Variants in STX8 observed in about 807,000 individuals in gnomAD.
STX8 encodes the protein syntaxin 8.
In STX8, 23 loss-of-function variants were observed where a neutral mutation model predicts 37.5. That is an observed-to-expected ratio of 0.61 (90% CI 0.44 to 0.87). The LOEUF (loss-of-function observed/expected upper bound fraction) is 0.87. Among genes scored for constraint, STX8 ranks in the 40% least tolerant of loss-of-function variants. The probability of loss-of-function intolerance (pLI) is 0.00; values close to 1 mark genes in which losing one functional copy is unlikely to be tolerated. For missense variants in STX8, 313 were observed against 284.7 expected, an observed-to-expected ratio of 1.10 and a Z score of -0.71; for synonymous variants, 115 against 99.1, an observed-to-expected ratio of 1.16 and a Z score of -0.95.
chr17:9,369,899 A>AAAG (rs1449891045), intron 7 of STX8, among the ~76,000 whole-genome samples: 1 of 147,272 alleles, frequency 6.8e-6, no homozygotes, highest in Non-Finnish European at 1.5e-5. Context: ...AAAAAAAAAA[A>AAAG]AAAAAAAAAA....
Position 9,406,172 on chromosome 17 carries a change from G to A in STX8, c.542-27519C>T, listed in dbSNP as rs1438062190. Among the ~76,000 whole-genome samples, 3 of 152,330 alleles carry A rather than the reference G, an allele frequency of 2.0e-5. No homozygotes were observed. The East Asian group carries it at 5.8e-4, about 29-fold the overall frequency. On this transcript the variant is annotated intron_variant, in intron 6 of 7. Transcript: ENST00000306357. ...TTGTAGCTGCAGACCTTAGTCTGCA[G>A]TACATGGCAAGCAATTCAACTTTTC... is the stretch of plus-strand genomic sequence containing the variant.
intron 6 of STX8, among the ~76,000 whole-genome samples, chr17:9,484,325 C>T (rs1021719537): frequency 2.0e-5 from 3 of 149,742 alleles, no homozygotes; most frequent in African/African-American, 4.9e-5. Context: ...ATACAGGATC[C>T]TAGGGGAGCA....
intron 7 of STX8, among the ~76,000 whole-genome samples, chr17:9,320,801 T>C (rs1909549773): frequency 6.6e-6 from 1 of 150,896 alleles, no homozygotes; most frequent in Non-Finnish European, 1.5e-5. Context: ...GTCAAGAGGC[T>C]GAGGCAGGAG....
chr17:9,266,576 T>C (rs1907239373), intron 7 of STX8, among the ~76,000 whole-genome samples: 1 of 152,078 alleles, frequency 6.6e-6, no homozygotes, highest in Non-Finnish European at 1.5e-5. Context: ...ACACACGATG[T>C]CACCAAGAGT....
At chr17:9,556,772 T>TATATATATATATAC (rs1906988686) in intron 3 of STX8, 1 of 82,944 alleles carries the variant, frequency 1.2e-5, no homozygotes, top group African/African-American at 5.0e-5. Flanking sequence ...TATATATATA[T>TATATATATATATAC]ATATATATAT....
chr17:9,560,242 A>T (rs1237951078), intron 2 of STX8, among the ~76,000 whole-genome samples: 1 of 151,298 alleles, frequency 6.6e-6, no homozygotes, highest in African/African-American at 2.4e-5. Context: ...TACTAAAAAT[A>T]CAAAAATTAG....
intron 4 of STX8, among the ~76,000 whole-genome samples, chr17:9,538,054 C>T (rs1231848584): frequency 2.0e-5 from 3 of 152,162 alleles, no homozygotes; most frequent in Non-Finnish European, 4.4e-5. Context: ...GGAAGGTTTG[C>T]TTTACCACAT....
intron 6 of STX8, among the ~76,000 whole-genome samples, chr17:9,428,650 T>A (rs1457879253): frequency 6.6e-6 from 1 of 152,212 alleles, no homozygotes; most frequent in South Asian, 2.1e-4. Flanking sequence ...TCTGTAATTA[T>A]GAAAAAGTAA....
Position 9,378,569 on chromosome 17 carries a change from C to G in STX8, c.626G>C (p.Arg209Thr). The stretch of plus-strand genomic sequence containing the variant: ...TCTCTTACCACAAGAGGCTGACTTT[C>G]TGTCCACCATGTTTACCCGCCTGGT... Reference protein sequence around the residue: ...NETRRVNMVDRKSASCGMIMV... With the variant: ...NETRRVNMVDTKSASCGMIMV... Residue 209 changes from arginine to threonine, a missense_variant, in exon 7 of 8, where the codon AGA becomes ACA. Coordinates refer to ENST00000306357, the MANE Select transcript of STX8 (RefSeq NM_004853.3). 6.2e-7 allele frequency: 1 copy of G among 1,613,754 alleles called. No individual in the cohort carries two copies. Among genetic ancestry groups the G allele is most frequent in the East Asian group, 2.2e-5 (1 of 44,862 alleles).
At chr17:9,559,518 A>C (rs554462156) in intron 2 of STX8, among the ~76,000 whole-genome samples, 1 of 151,572 alleles carries the variant, frequency 6.6e-6, no homozygotes, top group African/African-American at 2.4e-5. Context: ...ATTATAAACA[A>C]AAGAAACACA....
chr17:9,274,310 C>T (rs1220623099), intron 7 of STX8, among the ~76,000 whole-genome samples: 1 of 151,926 alleles, frequency 6.6e-6, no homozygotes, highest in Non-Finnish European at 1.5e-5. Flanking sequence ...TCATAACTTC[C>T]TGCAGTAAAA....
In STX8 at chr17:9,575,800, C is replaced by G. The variant is rs953500540; in HGVS notation, c.9G>C (p.Pro3=). The change falls in exon 1 of 8, where the codon CCG becomes CCC. Residue 3 remains proline (P), a synonymous_variant. Coordinates refer to ENST00000306357, the MANE Select transcript of STX8 (RefSeq NM_004853.3). ...CCTCACCCGGGACTCACCAGGGGTCCGGTGCCATCCTGCAGACTCCGCCCG... is the reference window on the plus strand; with the variant it reads ...CCTCACCCGGGACTCACCAGGGGTCGGGTGCCATCCTGCAGACTCCGCCCG... MA[P]DPWFSTYDST... 17 of 1,542,194 alleles carry G rather than the reference C, an allele frequency of 1.1e-5. 1 individual carries two copies. In the Admixed American group the frequency reaches 2.5e-4, roughly 23 times the overall value.
At chr17:9,413,698 A>G (rs901531396) in intron 6 of STX8, among the ~76,000 whole-genome samples, 6 of 152,160 alleles carry the variant, frequency 3.9e-5, no homozygotes, top group Admixed American at 1.3e-4. Flanking sequence ...CACAGAATAA[A>G]TAGGTGAATA....
At chr17:9,420,936 A>G (rs1173034431) in intron 6 of STX8, among the ~76,000 whole-genome samples, 1 of 152,156 alleles carries the variant, frequency 6.6e-6, no homozygotes, top group African/African-American at 2.4e-5. Context: ...GGAAATGGAG[A>G]TGAGTCCCAT....
intron 7 of STX8, among the ~76,000 whole-genome samples, chr17:9,299,514 GC>G (rs1567774097): frequency 6.8e-6 from 1 of 147,758 alleles, no homozygotes; most frequent in African/African-American, 2.5e-5. Flanking sequence ...CGCGATCTGG[GC>G]TCACTGCAAG....
chr17:9,506,952 T>C (rs1904860415), intron 4 of STX8, among the ~76,000 whole-genome samples: 1 of 151,988 alleles, frequency 6.6e-6, no homozygotes, highest in Non-Finnish European at 1.5e-5. Context: ...CACAGGTGGC[T>C]GAACTCCACA....
At chr17:9,491,728 C>T (rs1245380242) in intron 6 of STX8, 101 bp downstream of exon 6, 1 of 1,012,124 alleles carries the variant, frequency 9.9e-7, no homozygotes, top group Non-Finnish European at 1.5e-6. Context: ...TGACATTAAA[C>T]CACTTTACAT....
In STX8 at chr17:9,344,299, T is replaced by C. The variant is rs554609505; in HGVS notation, c.643+34253A>G. ...TTTTTGAGATAGAGTCTCGCTCTGTTGCCCAGGCTGTCATGCAATGTCGTG... is the reference window on the plus strand; with the variant it reads ...TTTTTGAGATAGAGTCTCGCTCTGTCGCCCAGGCTGTCATGCAATGTCGTG... On this transcript the variant is annotated intron_variant, in intron 7 of 7. Transcript: ENST00000306357. 6.6e-4 allele frequency among the ~76,000 whole-genome samples: 100 copies of C among 151,472 alleles called. 1 individual carries two copies. The South Asian group carries it at 0.02, about 31-fold the overall frequency.
chr17:9,555,952 G>C (rs1202487005), intron 3 of STX8, among the ~76,000 whole-genome samples: 2 of 151,866 alleles, frequency 1.3e-5, no homozygotes, highest in African/African-American at 4.8e-5. Flanking sequence ...ATTAGGACTT[G>C]TTGATTTGGG....
Sources: gnomAD v4.1 joint callset for allele counts (sites outside exome capture counted in the v4.1 genomes callset) on GRCh38, gnomAD v4.1.1 for gene constraint, MANE v1.5 for transcripts, NCBI Gene and HGNC (gene_info 2026-07-23, HGNC 2026-07-21) for gene names.